The following CNTN5 variants were observed in gnomAD, a reference collection of about 807,000 sequenced individuals.
CNTN5 encodes contactin 5, also known as contactin-5.
A neutral mutation model predicts 129.1 loss-of-function variants in CNTN5; 77 were observed. The observed-to-expected ratio is 0.60, with a 90% CI of 0.50 to 0.72. CNTN5 has a LOEUF of 0.72. Ranked by LOEUF, CNTN5 falls within the 30% of genes least tolerant of loss-of-function variation. CNTN5 has a pLI of 0.00. For synonymous variants in CNTN5, 509 were observed against 465.6 expected, an observed-to-expected ratio of 1.09 and a Z score of -1.20; for missense variants, 1,478 against 1,328.8, an observed-to-expected ratio of 1.11 and a Z score of -1.75.
chr11:99,084,315 T>C lies in CNTN5; in HGVS notation c.-210+63045T>C, dbSNP rs115543139. Among the ~76,000 whole-genome samples the C allele has an allele frequency of 2.7e-3, 418 of 152,366 alleles. 1 individual carries two copies. Among genetic ancestry groups the C allele is most frequent in the African/African-American group, 9.7e-3 (405 of 41,598 alleles). On this transcript the variant is annotated intron_variant, in intron 1 of 24. Transcript: ENST00000524871. ...TTGTGACTTTTGTTTCTCTGTGCTC[T>C]GCACTTTGATTATTTAAGTTCATGT...
chr11:99,787,419 T>C lies in CNTN5; in HGVS notation c.56-32125T>C, dbSNP rs751607031. On this transcript the variant is annotated intron_variant, in intron 3 of 24. Coordinates refer to ENST00000524871, the MANE Select transcript of CNTN5 (RefSeq NM_014361.4). ...TTAAAATATTTTTTAAAACATTACT[T>C]ATAAGGTATAATATTAAACTTATAT... 4.3e-4 allele frequency among the ~76,000 whole-genome samples: 66 copies of C among 151,784 alleles called. 1 individual carries two copies. The highest frequency in any genetic ancestry group is 4.0e-4 in the Non-Finnish European group (27 of 67,866).
intron 9 of CNTN5, among the ~76,000 whole-genome samples, chr11:100,016,709 G>C (rs1940838554): frequency 6.6e-6 from 1 of 151,960 alleles, no homozygotes; most frequent in Non-Finnish European, 1.5e-5. Context: ...AAACATGTAA[G>C]CATGTTTATG....
chr11:99,655,220 CA>C (rs1952309709), intron 3 of CNTN5, among the ~76,000 whole-genome samples: 1 of 151,980 alleles, frequency 6.6e-6, no homozygotes, highest in Non-Finnish European at 1.5e-5. Flanking sequence ...AGTATCAAAT[CA>C]ATTATTAAAC....
intron 3 of CNTN5, among the ~76,000 whole-genome samples, chr11:99,757,870 A>G (rs929242377): frequency 1.3e-5 from 2 of 152,052 alleles, no homozygotes; most frequent in African/African-American, 4.8e-5. Flanking sequence ...TAGAAATGAT[A>G]TTTGTGAATT....
chr11:99,423,320 G>A (rs1457031164), intron 2 of CNTN5, among the ~76,000 whole-genome samples: 1 of 152,142 alleles, frequency 6.6e-6, no homozygotes, highest in Non-Finnish European at 1.5e-5. Context: ...CCACTGAAGT[G>A]AGGCTTCCAC....
intron 17 of CNTN5, among the ~76,000 whole-genome samples, chr11:100,258,496 C>T (rs932869056): frequency 6.6e-6 from 1 of 152,090 alleles, no homozygotes; most frequent in African/African-American, 2.4e-5. Flanking sequence ...TCAGATTCAC[C>T]AAGGTTGAAA....
intron 21 of CNTN5, among the ~76,000 whole-genome samples, chr11:100,326,508 C>G (rs868305861): frequency 7.7e-4 from 117 of 152,258 alleles, no homozygotes; most frequent in African/African-American, 2.6e-3. Flanking sequence ...ATCCCTATAT[C>G]TTCCACCATG....
chr11:100,078,089 T>G (rs1042612132), intron 13 of CNTN5, among the ~76,000 whole-genome samples: 1 of 152,174 alleles, frequency 6.6e-6, no homozygotes, highest in African/African-American at 2.4e-5. Context: ...CTGAAGGTTA[T>G]AGTTCGTCAT....
At chr11:100,242,755 TG>T (rs1949768751) in intron 16 of CNTN5, among the ~76,000 whole-genome samples, 1 of 152,166 alleles carries the variant, frequency 6.6e-6, no homozygotes, top group Non-Finnish European at 1.5e-5. Flanking sequence ...ACATGAGATT[TG>T]GGTGAGGACA....
At chr11:100,242,989 A>G (rs1316309748) in intron 16 of CNTN5, among the ~76,000 whole-genome samples, 2 of 152,224 alleles carry the variant, frequency 1.3e-5, no homozygotes, top group Non-Finnish European at 2.9e-5. Flanking sequence ...ATAAAAGGGT[A>G]AGATACCTGA....
intron 17 of CNTN5, 27 bp from the exon 18 acceptor site, chr11:100,271,065 G>T (rs750082073): frequency 1.3e-6 from 2 of 1,564,572 alleles, no homozygotes; most frequent in South Asian, 2.4e-5. Flanking sequence ...TCCTCATAAT[G>T]ACATGAAATT....
At chr11:99,689,010 A>G (rs779319254) in intron 3 of CNTN5, among the ~76,000 whole-genome samples, 1 of 152,044 alleles carries the variant, frequency 6.6e-6, no homozygotes, top group Admixed American at 6.6e-5. Context: ...TCTGTCATTG[A>G]TGGGCATTTA....
At chr11:99,109,704 T>C (rs1857696485) in intron 1 of CNTN5, among the ~76,000 whole-genome samples, 1 of 152,114 alleles carries the variant, frequency 6.6e-6, no homozygotes, top group Admixed American at 6.5e-5. Flanking sequence ...CTGCTGGATA[T>C]TGCTTCCCTA....
intron 2 of CNTN5, among the ~76,000 whole-genome samples, chr11:99,432,314 A>G (rs1291552224): frequency 6.6e-6 from 1 of 152,158 alleles, no homozygotes. Flanking sequence ...AATTGAGGTT[A>G]TAGGATTTGG....
chr11:99,998,930 T>C (rs1214224426), intron 8 of CNTN5, among the ~76,000 whole-genome samples: 2 of 151,074 alleles, frequency 1.3e-5, no homozygotes, highest in Non-Finnish European at 3.0e-5. Context: ...TAATAAATGG[T>C]GCTGGGAAAA....
intron 3 of CNTN5, among the ~76,000 whole-genome samples, chr11:99,705,543 TAAGC>T (rs1300382477): frequency 1.3e-5 from 2 of 151,448 alleles, no homozygotes; most frequent in Non-Finnish European, 3.0e-5. Flanking sequence ...CTGATTCACT[TAAGC>T]AAGTATTAGG....
chr11:99,786,158 C>G (rs1172003686), intron 3 of CNTN5, among the ~76,000 whole-genome samples: 1 of 152,112 alleles, frequency 6.6e-6, no homozygotes, highest in Non-Finnish European at 1.5e-5. Context: ...TCAGCAAAGT[C>G]TCACGATACA....
chr11:100,147,540 C>T (rs1301561258), intron 13 of CNTN5, among the ~76,000 whole-genome samples: 1 of 152,080 alleles, frequency 6.6e-6, no homozygotes, highest in Non-Finnish European at 1.5e-5. Context: ...GTCAGTTCTG[C>T]TCGGAAGCCG....
intron 9 of CNTN5, among the ~76,000 whole-genome samples, chr11:100,054,055 T>C (rs1943093906): frequency 1.3e-5 from 2 of 151,716 alleles, no homozygotes; most frequent in African/African-American, 2.4e-5. Flanking sequence ...GCCTGGGACA[T>C]GGGTGAAATA....
Sources: gnomAD v4.1 joint callset for allele counts (sites outside exome capture counted in the v4.1 genomes callset) on GRCh38, gnomAD v4.1.1 for gene constraint, MANE v1.5 for transcripts, NCBI Gene and HGNC (gene_info 2026-07-23, HGNC 2026-07-21) for gene names.